Variants in CADM2 observed in about 807,000 individuals in gnomAD.
CADM2 encodes the protein immunoglobulin superfamily member 4D.
CADM2 carries 12 observed loss-of-function variants against 49.8 expected under a neutral mutation model. The observed-to-expected ratio is 0.24, with a 90% CI of 0.15 to 0.39. The LOEUF (loss-of-function observed/expected upper bound fraction) is 0.39, where lower values mean the gene tolerates loss of function less well. CADM2 is among the 10% of genes least tolerant of loss of function. The pLI is 1.00. For missense variants in CADM2, 378 were observed against 492.3 expected, an observed-to-expected ratio of 0.77 and a Z score of 2.20; for synonymous variants, 214 against 175.4, an observed-to-expected ratio of 1.22 and a Z score of -1.74.
intron 8 of CADM2, among the ~76,000 whole-genome samples, chr3:85,983,521 G>C (rs1727715918): frequency 6.6e-6 from 1 of 151,608 alleles, no homozygotes; most frequent in South Asian, 2.1e-4. Flanking sequence ...AATATCTAAA[G>C]TTATGAAAAC....
At chr3:86,060,907 G>T (rs1436121244) in intron 8 of CADM2, among the ~76,000 whole-genome samples, 1 of 151,888 alleles carries the variant, frequency 6.6e-6, no homozygotes, top group Non-Finnish European at 1.5e-5. Flanking sequence ...ATCTGAACCC[G>T]GGAGGTGGAG....
At chr3:85,068,622 T>A (rs1007459800) in intron 1 of CADM2, among the ~76,000 whole-genome samples, 2 of 152,180 alleles carry the variant, frequency 1.3e-5, no homozygotes, top group Non-Finnish European at 1.5e-5. Context: ...CAACTCCTGA[T>A]GTAATGGAGC....
At chr3:86,032,451 T>C (rs1312577605) in intron 8 of CADM2, among the ~76,000 whole-genome samples, 1 of 151,878 alleles carries the variant, frequency 6.6e-6, no homozygotes, top group African/African-American at 2.4e-5. Context: ...ATAAAATGTA[T>C]CAGAAAGCAA....
intron 8 of CADM2, among the ~76,000 whole-genome samples, chr3:86,008,271 A>G (rs922655604): frequency 1.3e-5 from 2 of 152,170 alleles, no homozygotes; most frequent in Non-Finnish European, 2.9e-5. Context: ...TACCTGTAGC[A>G]TAAAATACAC....
At chr3:85,122,703 C>G (rs1275823636) in intron 1 of CADM2, among the ~76,000 whole-genome samples, 1 of 151,956 alleles carries the variant, frequency 6.6e-6, no homozygotes, top group Non-Finnish European at 1.5e-5. Flanking sequence ...ATTTTTGCAG[C>G]CACCTCAAAC....
chr3:86,041,210 G>A (rs570403064), intron 8 of CADM2, among the ~76,000 whole-genome samples: 1 of 152,222 alleles, frequency 6.6e-6, no homozygotes, highest in Admixed American at 6.5e-5. Context: ...CATAATGACA[G>A]GATCAAATTC....
intron 1 of CADM2, among the ~76,000 whole-genome samples, chr3:85,466,903 C>T (rs190397691): frequency 1.1e-3 from 165 of 152,090 alleles, no homozygotes; most frequent in Non-Finnish European, 1.8e-3. Context: ...CACATTCTTT[C>T]TTGGAACTAA....
intron 2 of CADM2, among the ~76,000 whole-genome samples, chr3:85,752,337 G>A (rs944778206): frequency 2.0e-5 from 3 of 152,106 alleles, no homozygotes; most frequent in Non-Finnish European, 2.9e-5. Flanking sequence ...GCAGAAACAG[G>A]TAGAGAAGGA....
intron 1 of CADM2, among the ~76,000 whole-genome samples, chr3:85,103,849 C>G (rs568466429): frequency 6.6e-6 from 1 of 151,850 alleles, no homozygotes; most frequent in African/African-American, 2.4e-5. Flanking sequence ...CATTGTGTGG[C>G]GGAGGAATGT....
intron 1 of CADM2, among the ~76,000 whole-genome samples, chr3:85,241,792 G>C (rs1161576769): frequency 1.3e-5 from 2 of 151,354 alleles, no homozygotes; most frequent in African/African-American, 4.8e-5. Flanking sequence ...TCTCTTTCAG[G>C]TAGGTCATTT....
At chr3:85,785,673 A>G (rs1440120265) in intron 2 of CADM2, among the ~76,000 whole-genome samples, 2 of 152,088 alleles carry the variant, frequency 1.3e-5, no homozygotes, top group African/African-American at 2.4e-5. Context: ...AATGTGCATA[A>G]TAGCCATTTG....
chr3:85,664,863 A>G (rs1223828943), intron 1 of CADM2, among the ~76,000 whole-genome samples: 5 of 151,772 alleles, frequency 3.3e-5, no homozygotes, highest in Non-Finnish European at 5.9e-5. Flanking sequence ...CCCTTATGAT[A>G]TTTTTGTCCT....
intron 8 of CADM2, among the ~76,000 whole-genome samples, chr3:86,043,349 A>G (rs1736206336): frequency 6.6e-6 from 1 of 152,176 alleles, no homozygotes; most frequent in Non-Finnish European, 1.5e-5. Context: ...TCAGCCCAAA[A>G]TCTCCTTAAG....
chr3:85,295,123 G>C (rs1156980168), intron 1 of CADM2, among the ~76,000 whole-genome samples: 2 of 152,124 alleles, frequency 1.3e-5, no homozygotes, highest in East Asian at 1.9e-4. Context: ...ATCAAAAAGT[G>C]GGCAAAGGAC....
chr3:85,680,430 A>G (rs2066008581), intron 1 of CADM2, among the ~76,000 whole-genome samples: 1 of 152,130 alleles, frequency 6.6e-6, no homozygotes, highest in Non-Finnish European at 1.5e-5. Context: ...ATGAACAGCT[A>G]TATATCCCAT....
intron 1 of CADM2, among the ~76,000 whole-genome samples, chr3:85,306,064 A>G (rs2044205114): frequency 6.6e-6 from 1 of 151,674 alleles, no homozygotes; most frequent in Non-Finnish European, 1.5e-5. Context: ...ATTTTCTCCT[A>G]TCACAATATC....
At position 85,456,486 on chromosome 3, in the gene CADM2, GT is replaced by G. The variant is rs557939336; in HGVS notation, c.62-270035del. On this transcript the variant is annotated intron_variant, in intron 1 of 9. Coordinates refer to ENST00000383699, the MANE Select transcript of CADM2 (RefSeq NM_001167675.2). ...GGGATATTGAATGATATTCTGTGCA[GT>G]CTTAAGCAAGTTTCCAAAATATTCA... Among the ~76,000 whole-genome samples, 325 of 152,236 alleles carry G rather than the reference GT, an allele frequency of 2.1e-3. 2 individuals are homozygous for G. Among genetic ancestry groups the G allele is most frequent in the African/African-American group, 7.6e-3 (316 of 41,522 alleles).
intron 1 of CADM2, among the ~76,000 whole-genome samples, chr3:85,679,720 G>T (rs1023048365): frequency 2.0e-5 from 3 of 152,174 alleles, no homozygotes; most frequent in African/African-American, 7.2e-5. Context: ...CACCGTGTCT[G>T]CAGGCTGCCC....
At chr3:85,548,874 T>C (rs1244466899) in intron 1 of CADM2, among the ~76,000 whole-genome samples, 4 of 152,188 alleles carry the variant, frequency 2.6e-5, no homozygotes, top group Non-Finnish European at 5.9e-5. Context: ...CAAATGTGAA[T>C]TTATTAAAAG....
Sources: allele counts gnomAD v4.1 joint callset (sites outside exome capture counted in the v4.1 genomes callset), GRCh38; gene constraint gnomAD v4.1.1; transcripts MANE v1.5; gene names NCBI Gene and HGNC (gene_info 2026-07-23, HGNC 2026-07-21).